FER: variants seen among roughly 807,000 people sequenced by gnomAD.
The protein encoded by FER is tyrosine-protein kinase Fer.
FER carries 63 observed loss-of-function variants against 111.0 expected under a neutral mutation model. The ratio of observed to expected loss-of-function variants is 0.57; its 90% confidence interval spans 0.46 to 0.70. The LOEUF (loss-of-function observed/expected upper bound fraction) is 0.70. Ranked by LOEUF, FER falls within the 30% of genes least tolerant of loss-of-function variation. The pLI, the probability that FER is intolerant of heterozygous loss-of-function variation, is 0.00. For synonymous variants in FER, 327 were observed against 313.9 expected (o/e 1.04, Z -0.44); for missense variants, 914 against 954.0 (o/e 0.96, Z 0.55).
chr5:109,047,332 G>A, intron 16 of FER, 134 bp downstream of exon 16: 8 of 570,134 alleles, frequency 1.4e-5, no homozygotes, highest in Non-Finnish European at 2.5e-5. Context: ...TAACAAAAGA[G>A]TCTGTACCTA....
At chr5:108,994,308 A>G (rs1685753931) in intron 13 of FER, among the ~76,000 whole-genome samples, 1 of 152,252 alleles carries the variant, frequency 6.6e-6, no homozygotes, top group South Asian at 2.1e-4. Context: ...GAAGGGGTCC[A>G]GTTCCAATTT....
intron 17 of FER, among the ~76,000 whole-genome samples, chr5:109,124,160 G>C (rs140864451): frequency 6.6e-6 from 1 of 152,136 alleles, no homozygotes; most frequent in African/African-American, 2.4e-5. Flanking sequence ...CTGGGAAGTC[G>C]AGGCTGCAGT....
rs1482231016 is a variant in FER at position 109,187,829 on chromosome 5, A to C, written c.*254A>C. ...CCTACCATTTCAGGCCATTGCAAAT[A>C]GAAAAGCACAGGCTTCTAAGTGTGT... On this transcript the variant is annotated 3_prime_UTR_variant, in exon 20 of 20. Transcript: ENST00000281092. 2 of 483,310 alleles carry C rather than the reference A, an allele frequency of 4.1e-6. No individual in the cohort carries two copies. Among genetic ancestry groups the C allele is most frequent in the Non-Finnish European group, 7.4e-6 (2 of 269,112 alleles). 29.9% of individuals were successfully genotyped at this position (483,310 alleles called of 1,614,324 possible).
At position 109,060,597 on chromosome 5, in the gene FER, T is replaced by C. The variant is rs567547556; in HGVS notation, c.1924+13399T>C. 1.1e-3 allele frequency among the ~76,000 whole-genome samples: 171 copies of C among 152,038 alleles called. 1 individual carries two copies. The highest frequency in any genetic ancestry group is 4.1e-3 in the African/African-American group (168 of 41,456). On this transcript the variant is annotated intron_variant, in intron 16 of 19. Coordinates refer to ENST00000281092, the MANE Select transcript of FER (RefSeq NM_005246.4). The stretch of plus-strand genomic sequence containing the variant: ...TACTCAGAAGGCTGAGGCAGAAGAA[T>C]TGCTTGAACCCGGGAGGCGGAGGTT...
chr5:109,044,800 G>C lies in FER; in HGVS notation c.1829+5G>C. 2.3e-6 allele frequency: 3 copies of C among 1,287,610 alleles called. No homozygotes were observed. The allele number at this position is 1,287,610 out of a possible 1,614,324, so 79.8% of individuals were successfully genotyped here. A position where few individuals can be genotyped will look rare whatever the true frequency, so the allele number is the denominator to read the frequency against. On this transcript the variant is annotated splice_donor_5th_base_variant and intron_variant, in intron 15 of 19. Coordinates refer to ENST00000281092, the MANE Select transcript of FER (RefSeq NM_005246.4). ...AAAATTTTTACAAGAAGCCAAGTGA[G>C]TTATTTAAAGTAATCAAAATATGTA...
intron 13 of FER, among the ~76,000 whole-genome samples, chr5:108,988,305 T>C (rs915567060): frequency 2.0e-5 from 3 of 152,164 alleles, no homozygotes; most frequent in East Asian, 1.9e-4. Flanking sequence ...ATTGGCTTCA[T>C]AGAATGATTT....
At chr5:109,012,168 T>G (rs1455276663) in intron 13 of FER, among the ~76,000 whole-genome samples, 1 of 152,232 alleles carries the variant, frequency 6.6e-6, no homozygotes, top group Non-Finnish European at 1.5e-5. Flanking sequence ...TTCTTGGAGG[T>G]AGACTGTGTA....
At chr5:108,970,632 C>T (rs775631449) in intron 13 of FER, among the ~76,000 whole-genome samples, 3 of 151,970 alleles carry the variant, frequency 2.0e-5, no homozygotes, top group South Asian at 2.1e-4. Flanking sequence ...TTTCTAAAGT[C>T]GCAGTATGTG....
At chr5:109,173,011 C>T (rs73215527) in intron 17 of FER, among the ~76,000 whole-genome samples, 8,527 of 152,162 alleles carry the variant, frequency 0.056, 774 homozygotes, top group African/African-American at 0.19. Flanking sequence ...TGTTTGGTTC[C>T]GAGTTATCTC....
At chr5:108,880,005 C>T (rs1765529319) in intron 8 of FER, among the ~76,000 whole-genome samples, 1 of 152,048 alleles carries the variant, frequency 6.6e-6, no homozygotes, top group Non-Finnish European at 1.5e-5. Context: ...GCCACTGCTC[C>T]TGGCCTCCCT....
chr5:109,128,851 T>A (rs1054028863), intron 17 of FER, among the ~76,000 whole-genome samples: 2 of 152,060 alleles, frequency 1.3e-5, no homozygotes, highest in African/African-American at 4.8e-5. Context: ...TGGAAAAATA[T>A]GTCACAAAAA....
At position 109,195,688 on chromosome 5, in the gene FER, T is replaced by C. The variant is rs909388202; in HGVS notation, c.*8113T>C. ...ACTATACAAAATGTCAGCTACCCAGTTGCATCCTGTGACATGATCAGACTG... is the reference window on the plus strand; with the variant it reads ...ACTATACAAAATGTCAGCTACCCAGCTGCATCCTGTGACATGATCAGACTG... On this transcript the variant is annotated 3_prime_UTR_variant, in exon 20 of 20. Transcript: ENST00000281092. 6 of 152,184 alleles carry C rather than the reference T, an allele frequency of 3.9e-5. No individual in the cohort carries two copies. Among genetic ancestry groups the C allele is most frequent in the African/African-American group, 1.4e-4 (6 of 41,454 alleles). The allele number at this position is 152,184 out of a possible 1,614,324, so 9.4% of individuals were successfully genotyped here. A position where few individuals can be genotyped will look rare whatever the true frequency, so the allele number is the denominator to read the frequency against.
chr5:108,768,515 G>T (rs1012823568), intron 2 of FER, among the ~76,000 whole-genome samples: 4 of 152,100 alleles, frequency 2.6e-5, no homozygotes, highest in Non-Finnish European at 5.9e-5. Context: ...GTGCCCACCA[G>T]TCCTATATTT....
intron 13 of FER, among the ~76,000 whole-genome samples, chr5:109,025,269 A>G (rs1768542412): frequency 6.6e-6 from 1 of 151,998 alleles, no homozygotes; most frequent in South Asian, 2.1e-4. Flanking sequence ...ATGTTCTTCC[A>G]TTTGTTTGTA....
At chr5:108,896,840 G>A (rs1749182531) in intron 9 of FER, among the ~76,000 whole-genome samples, 3 of 152,008 alleles carry the variant, frequency 2.0e-5, no homozygotes, top group African/African-American at 4.8e-5. Context: ...ATAATCTATT[G>A]TCTCTTACAT....
chr5:108,851,537 T>G (rs1382954565), intron 5 of FER, among the ~76,000 whole-genome samples: 1 of 152,172 alleles, frequency 6.6e-6, no homozygotes, highest in East Asian at 1.9e-4. Context: ...GCGGATGCCA[T>G]GTAGTACTTT....
chr5:108,962,132 C>T (rs889875158), intron 13 of FER, among the ~76,000 whole-genome samples: 1 of 152,154 alleles, frequency 6.6e-6, no homozygotes, highest in Admixed American at 6.5e-5. Context: ...GAAAACTAGA[C>T]AGGATTAAAT....
intron 17 of FER, among the ~76,000 whole-genome samples, chr5:109,143,844 T>C (rs1753780422): frequency 1.3e-5 from 2 of 150,658 alleles, no homozygotes; most frequent in South Asian, 4.2e-4. Context: ...TTACAGAATT[T>C]TGCAGCAAAA....
At chr5:108,824,911 G>T (rs113729167) in intron 3 of FER, among the ~76,000 whole-genome samples, 2,440 of 151,600 alleles carry the variant, frequency 0.016, 75 homozygotes, top group African/African-American at 0.057. Context: ...TTGGGCATCC[G>T]GGGGAGACAT....
Sources: allele counts gnomAD v4.1 joint callset (sites outside exome capture counted in the v4.1 genomes callset), GRCh38; gene constraint gnomAD v4.1.1; transcripts MANE v1.5; gene names NCBI Gene and HGNC (gene_info 2026-07-23, HGNC 2026-07-21).